The following LSAMP variants were observed in gnomAD, a reference collection of about 807,000 sequenced individuals.
LSAMP encodes limbic system associated membrane protein.
In LSAMP, 7 loss-of-function variants were observed where a neutral mutation model predicts 38.6. That is an observed-to-expected ratio of 0.18 (90% CI 0.10 to 0.34). The LOEUF (loss-of-function observed/expected upper bound fraction) is 0.34. LSAMP is among the 10% of genes least tolerant of loss of function. The pLI, the probability that LSAMP is intolerant of heterozygous loss-of-function variation, is 1.00. For synonymous variants in LSAMP, 154 were observed against 166.8 expected (o/e 0.92, Z 0.59); for missense variants, 313 against 420.0 (o/e 0.75, Z 2.23).
intron 1 of LSAMP, among the ~76,000 whole-genome samples, chr3:116,443,292 T>C (rs2049461791): frequency 1.3e-5 from 2 of 152,356 alleles, no homozygotes; most frequent in Middle Eastern, 6.8e-3. Flanking sequence ...GATTACTCCA[T>C]GTGGATAAAT....
chr3:116,170,294 C>T (rs1167914498), intron 1 of LSAMP, among the ~76,000 whole-genome samples: 1 of 151,266 alleles, frequency 6.6e-6, no homozygotes, highest in Non-Finnish European at 1.5e-5. Flanking sequence ...TCGGAGGAAG[C>T]CAGTATTTTT....
intron 6 of LSAMP, among the ~76,000 whole-genome samples, chr3:115,835,972 A>T (rs928540108): frequency 2.0e-5 from 3 of 152,220 alleles, no homozygotes; most frequent in African/African-American, 4.8e-5. Flanking sequence ...TTTATGTAGC[A>T]GTTGGAGACC....
chr3:115,856,075 A>G (rs1233545963), intron 3 of LSAMP, among the ~76,000 whole-genome samples: 1 of 152,242 alleles, frequency 6.6e-6, no homozygotes, highest in Non-Finnish European at 1.5e-5. Flanking sequence ...AAAGCTCCAG[A>G]TTGTAAGTGT....
In LSAMP at chr3:116,027,503, C is replaced by T. The variant is rs115595928; in HGVS notation, c.389-7863G>A. Among the ~76,000 whole-genome samples the T allele has an allele frequency of 2.2e-3, 337 of 152,216 alleles. 2 individuals are homozygous for T. Among genetic ancestry groups the T allele is most frequent in the African/African-American group, 7.3e-3 (305 of 41,538 alleles). On this transcript the variant is annotated intron_variant, in intron 2 of 6. Transcript: ENST00000490035. The stretch of plus-strand genomic sequence containing the variant: ...ATACATCAGACTAGCCAGTCAATTT[C>T]TATTGCTTAAATCAAAGAATCCTAA...
chr3:115,904,680 G>T (rs1203921227), intron 3 of LSAMP, among the ~76,000 whole-genome samples: 2 of 152,048 alleles, frequency 1.3e-5, no homozygotes, highest in Admixed American at 6.6e-5. Flanking sequence ...GTCCTTTAGG[G>T]ACACTCAGGG....
At chr3:116,398,752 A>T (rs1180175376) in intron 1 of LSAMP, among the ~76,000 whole-genome samples, 1 of 152,226 alleles carries the variant, frequency 6.6e-6, no homozygotes, top group Admixed American at 6.5e-5. Flanking sequence ...TGTATTAAGA[A>T]TCTATAGGTA....
intron 1 of LSAMP, among the ~76,000 whole-genome samples, chr3:116,395,386 A>G (rs1283554547): frequency 6.6e-6 from 1 of 152,224 alleles, no homozygotes; most frequent in African/African-American, 2.4e-5. Flanking sequence ...GTTTCAAAGT[A>G]AGTATAGCTT....
At chr3:116,294,852 C>CA (rs1318180900) in intron 1 of LSAMP, among the ~76,000 whole-genome samples, 2 of 152,172 alleles carry the variant, frequency 1.3e-5, no homozygotes, top group Non-Finnish European at 2.9e-5. Flanking sequence ...AGGAGGGTGA[C>CA]AGAGTGTGTA....
rs145070596 is a variant in LSAMP, at chr3:116,168,949, C to T, written c.156-82393G>A. On this transcript the variant is annotated intron_variant, in intron 1 of 6. Coordinates refer to ENST00000490035, the MANE Select transcript of LSAMP (RefSeq NM_002338.5). Reference sequence around the variant, plus strand: ...CAGGGCTAGGCACATGCCTGTAATACCAGTACCCTGGGAGGCTGAGGCAGG... The same window carrying T: ...CAGGGCTAGGCACATGCCTGTAATATCAGTACCCTGGGAGGCTGAGGCAGG... Among the ~76,000 whole-genome samples the T allele has an allele frequency of 1.5e-3, 227 of 152,260 alleles. 1 individual carries two copies. Among genetic ancestry groups the T allele is most frequent in the African/African-American group, 4.8e-3 (199 of 41,538 alleles).
At chr3:116,371,357 T>C (rs952572781) in intron 1 of LSAMP, among the ~76,000 whole-genome samples, 1 of 152,068 alleles carries the variant, frequency 6.6e-6, no homozygotes, top group Non-Finnish European at 1.5e-5. Flanking sequence ...AATTACCAAA[T>C]AGAATTTATT....
chr3:116,103,964 G>T (rs1422244049), intron 1 of LSAMP, among the ~76,000 whole-genome samples: 1 of 152,204 alleles, frequency 6.6e-6, no homozygotes, highest in Non-Finnish European at 1.5e-5. Flanking sequence ...CAGAGGGTAA[G>T]AAAATAGGAA....
chr3:115,862,109 G>A (rs1935723143), intron 3 of LSAMP, among the ~76,000 whole-genome samples: 1 of 152,126 alleles, frequency 6.6e-6, no homozygotes, highest in Non-Finnish European at 1.5e-5. Context: ...GGGTTGTTTG[G>A]CAGGGACAAA....
intron 1 of LSAMP, among the ~76,000 whole-genome samples, chr3:116,369,495 A>G (rs781371855): frequency 1.6e-4 from 25 of 152,176 alleles, no homozygotes; most frequent in Non-Finnish European, 3.1e-4. Context: ...AGAGATATAA[A>G]GTATAGAAAT....
chr3:115,824,727 AG>A (rs1459184337), intron 6 of LSAMP, among the ~76,000 whole-genome samples: 10 of 147,192 alleles, frequency 6.8e-5, no homozygotes, highest in South Asian at 6.3e-4. Context: ...AAAAAAAAAA[AG>A]AACTAGCTTC....
At chr3:115,876,667 C>T (rs1225768979) in intron 3 of LSAMP, among the ~76,000 whole-genome samples, 2 of 152,046 alleles carry the variant, frequency 1.3e-5, no homozygotes, top group East Asian at 1.9e-4. Context: ...CCTCATCCAG[C>T]GCTTTCTAGT....
chr3:116,444,791 CACACACACACACACACACAA>C (rs1559870689), intron 1 of LSAMP, 66 bp downstream of exon 1: 12 of 875,668 alleles, frequency 1.4e-5, no homozygotes, highest in Admixed American at 2.3e-5. Flanking sequence ...AGATCAGACA[CACACACACACACACACACAA>C]ACACACACAC....
Position 115,841,852 on chromosome 3 carries a change from G to A in LSAMP, c.912C>T (p.Val304=). 6.2e-7 allele frequency: 1 copy of A among 1,611,214 alleles called. No individual in the cohort carries two copies. The highest frequency in any genetic ancestry group is 8.5e-7 in the Non-Finnish European group (1 of 1,178,998). ...NKLGVTNASL[V]LFRPGSVRGI... ...CTGCTTTGGCATACTTACTGAAAAG[G>A]ACTAGGCTGGCATTGGTGACCCCCA... The change falls in exon 6 of 7, where the codon GTC becomes GTT. Residue 304 remains valine, a synonymous_variant. Coordinates refer to ENST00000490035, the MANE Select transcript of LSAMP (RefSeq NM_002338.5).
intron 1 of LSAMP, chr3:116,359,915 C>G (rs577056331): frequency 6.6e-6 from 1 of 152,332 alleles, no homozygotes. Flanking sequence ...GACATAGGCA[C>G]AGGCAAATGT....
rs190105707 is a variant in LSAMP at position 115,905,781 on chromosome 3, C to T, written c.515-53164G>A. Among the ~76,000 whole-genome samples the T allele has an allele frequency of 1.5e-4, 23 of 152,184 alleles. No homozygotes were observed. In the South Asian group the frequency reaches 1.9e-3, roughly 12 times the overall value. On this transcript the variant is annotated intron_variant, in intron 3 of 6. Coordinates refer to ENST00000490035, the MANE Select transcript of LSAMP (RefSeq NM_002338.5). ...TTGCATTGGTACCTACAGTTCCCAGCGGAAGAGGGGGTCTCATCCTGGCTG... is the reference window on the plus strand; with the variant it reads ...TTGCATTGGTACCTACAGTTCCCAGTGGAAGAGGGGGTCTCATCCTGGCTG...
Sources: gnomAD v4.1 joint callset for allele counts (sites outside exome capture counted in the v4.1 genomes callset) on GRCh38, gnomAD v4.1.1 for gene constraint, MANE v1.5 for transcripts, NCBI Gene and HGNC (gene_info 2026-07-23, HGNC 2026-07-21) for gene names.